The following CA10 variants were observed in gnomAD, a reference collection of about 807,000 sequenced individuals.
CA10 encodes carbonic anhydrase 10 (inactive).
Under a neutral mutation model 44.2 loss-of-function variants are expected in CA10, and 14 were observed. The observed-to-expected ratio is 0.32, with a 90% CI of 0.21 to 0.50. The LOEUF is 0.50. Among genes scored for constraint, CA10 ranks in the 20% least tolerant of loss-of-function variants. The pLI, the probability that CA10 is intolerant of heterozygous loss-of-function variation, is 0.99. For synonymous variants in CA10, 159 were observed against 141.6 expected (o/e 1.12, Z -0.87); for missense variants, 350 against 409.7 (o/e 0.85, Z 1.26).
At chr17:51,810,115 T>C (rs969974759) in intron 3 of CA10, among the ~76,000 whole-genome samples, 2 of 152,296 alleles carry the variant, frequency 1.3e-5, no homozygotes, top group East Asian at 3.9e-4. Flanking sequence ...ATCCAGTCAT[T>C]TCCCATAGAC....
intron 3 of CA10, among the ~76,000 whole-genome samples, chr17:51,780,399 C>T (rs560891920): frequency 1.3e-5 from 2 of 152,278 alleles, no homozygotes; most frequent in African/African-American, 2.4e-5. Flanking sequence ...GCACATTTTC[C>T]GAGTCTTGGC....
In CA10 at chr17:52,120,325, T is replaced by C. The variant is rs528653820; in HGVS notation, c.61+37401A>G. 8.5e-5 allele frequency among the ~76,000 whole-genome samples: 13 copies of C among 152,258 alleles called. No individual in the cohort carries two copies. In the South Asian group the frequency reaches 1.9e-3, roughly 22 times the overall value. ...TCACCCCTTTTACCAGGGACCCTTA[T>C]ATAGGCCTATGAGGGAGATCTGATT... On this transcript the variant is annotated intron_variant, in intron 1 of 8. Coordinates refer to ENST00000451037, the MANE Select transcript of CA10 (RefSeq NM_020178.5).
At chr17:52,144,063 C>G (rs1411538700) in intron 1 of CA10, among the ~76,000 whole-genome samples, 1 of 152,088 alleles carries the variant, frequency 6.6e-6, no homozygotes, top group Non-Finnish European at 1.5e-5. Context: ...ATCCTTCTCT[C>G]AAGTGAATAT....
chr17:51,662,496 A>C (rs1455758207), intron 4 of CA10, among the ~76,000 whole-genome samples: 1 of 152,260 alleles, frequency 6.6e-6, no homozygotes, highest in African/African-American at 2.4e-5. Flanking sequence ...CAGGAAAGTA[A>C]AGAGAAAAGG....
chr17:52,056,314 T>C (rs142513830), intron 2 of CA10, among the ~76,000 whole-genome samples: 3 of 152,112 alleles, frequency 2.0e-5, no homozygotes, highest in Non-Finnish European at 4.4e-5. Flanking sequence ...CAGGGCAATT[T>C]GGAATTGGAA....
chr17:51,677,894 C>CCG (rs1555583338), intron 4 of CA10, among the ~76,000 whole-genome samples: 1 of 143,964 alleles, frequency 6.9e-6, no homozygotes, highest in African/African-American at 2.4e-5. Context: ...CACCCCCCCC[C>CCG]CCACCGGCTG....
chr17:51,742,532 C>G (rs1397379147), intron 4 of CA10, among the ~76,000 whole-genome samples: 1 of 152,190 alleles, frequency 6.6e-6, no homozygotes, highest in Non-Finnish European at 1.5e-5. Context: ...ACCAGCCTCT[C>G]AAGGATGCAA....
intron 2 of CA10, among the ~76,000 whole-genome samples, chr17:51,980,145 CA>C (rs1200927441): frequency 6.6e-6 from 1 of 152,120 alleles, no homozygotes; most frequent in Non-Finnish European, 1.5e-5. Context: ...ACACCCCCAC[CA>C]ACAGTGTATA....
chr17:51,877,964 GA>G (rs1381008704), intron 3 of CA10, among the ~76,000 whole-genome samples: 3 of 151,652 alleles, frequency 2.0e-5, no homozygotes, highest in Non-Finnish European at 4.4e-5. Context: ...CTAACATGGT[GA>G]AACCCCAACT....
chr17:51,892,807 A>C (rs1980915155), intron 3 of CA10, among the ~76,000 whole-genome samples: 1 of 152,164 alleles, frequency 6.6e-6, no homozygotes, highest in African/African-American at 2.4e-5. Context: ...GCTGGAGTTG[A>C]TGCAGTCATT....
chr17:51,889,625 G>A (rs1431532215), intron 3 of CA10, among the ~76,000 whole-genome samples: 1 of 152,142 alleles, frequency 6.6e-6, no homozygotes, highest in Admixed American at 6.5e-5. Context: ...TCACTACTGG[G>A]AAGCATGGTT....
At chr17:51,682,020 T>C (rs906558933) in intron 4 of CA10, among the ~76,000 whole-genome samples, 12 of 152,312 alleles carry the variant, frequency 7.9e-5, no homozygotes, top group African/African-American at 2.9e-4. Flanking sequence ...ATCTCCAAGC[T>C]CTATGGTCTG....
intron 4 of CA10, among the ~76,000 whole-genome samples, chr17:51,675,244 A>G (rs1914578917): frequency 6.6e-6 from 1 of 152,134 alleles, no homozygotes; most frequent in South Asian, 2.1e-4. Context: ...AGCAATGTGA[A>G]TGGGATCCGT....
chr17:51,658,164 A>C (rs576300339), intron 4 of CA10, among the ~76,000 whole-genome samples: 3 of 152,310 alleles, frequency 2.0e-5, no homozygotes, highest in Admixed American at 6.5e-5. Flanking sequence ...ATATCTAAGA[A>C]GTCCTCCATG....
intron 2 of CA10, among the ~76,000 whole-genome samples, chr17:52,009,810 A>C (rs181759242): frequency 2.1e-4 from 32 of 152,192 alleles, no homozygotes; most frequent in Non-Finnish European, 3.2e-4. Context: ...AGCAGAGTTA[A>C]TAGACAACCC....
In CA10 at chr17:51,749,476, T is replaced by A. The variant is rs557144139; in HGVS notation, c.280-1658A>T. ...CCCAGGAGAGGCCGTCTAGACGGGC[T>A]ACTCTGTGGCTGATCCACTAGCTGA... On this transcript the variant is annotated intron_variant, in intron 3 of 8. Transcript: ENST00000451037. 3.3e-5 allele frequency among the ~76,000 whole-genome samples: 5 copies of A among 152,356 alleles called. No homozygotes were observed. In the South Asian group the frequency reaches 1.0e-3, roughly 32 times the overall value.
chr17:51,759,493 ATTTAT>A lies in CA10; in HGVS notation c.280-11680_280-11676del, dbSNP rs869154309. 3.0e-4 allele frequency among the ~76,000 whole-genome samples: 18 copies of A among 60,354 alleles called. No individual in the cohort carries two copies. The East Asian group carries it at 3.7e-3, about 12-fold the overall frequency. The allele number at this position is 60,354 out of a possible 152,430, so 39.6% of individuals were successfully genotyped here. On this transcript the variant is annotated intron_variant, in intron 3 of 8. Transcript: ENST00000451037. ...ATATATAATAATCTATATTTAATAT[ATTTAT>A]TTTTTTTGGTAAGGATAATATAGGC...
chr17:51,836,593 G>A (rs1449936898), intron 3 of CA10, among the ~76,000 whole-genome samples: 1 of 152,214 alleles, frequency 6.6e-6, no homozygotes, highest in Non-Finnish European at 1.5e-5. Context: ...CCACCAGGTA[G>A]TAAAGGCTCT....
In CA10 at chr17:51,876,893, A is replaced by G. The variant is rs112513377; in HGVS notation, c.279+54097T>C. On this transcript the variant is annotated intron_variant, in intron 3 of 8. Transcript: ENST00000451037. ...ATCTTTGTGAGTACTTGATATTAGC[A>G]GGTTTCTTAAATTTTTTGCCATTCT... Among the ~76,000 whole-genome samples, 508 of 152,272 alleles carry G rather than the reference A, an allele frequency of 3.3e-3. 3 individuals carry two copies. The highest frequency in any genetic ancestry group is 0.012 in the African/African-American group (497 of 41,542).
Sources: gnomAD v4.1 joint callset for allele counts (sites outside exome capture counted in the v4.1 genomes callset) on GRCh38, gnomAD v4.1.1 for gene constraint, MANE v1.5 for transcripts, NCBI Gene and HGNC (gene_info 2026-07-23, HGNC 2026-07-21) for gene names.